Variants in MEIKIN observed in about 807,000 individuals in gnomAD.
MEIKIN encodes meiotic kinetochore factor, also known as meiosis-specific kinetochore protein.
intron 11 of MEIKIN, among the ~76,000 whole-genome samples, chr5:131,822,591 T>C (rs1402173122): frequency 2.0e-5 from 3 of 152,336 alleles, no homozygotes; most frequent in Admixed American, 6.5e-5. Context: ...CTTTGTCCTC[T>C]TGCTTTTTAA....
At chr5:131,834,003 C>T (rs568219638) in intron 11 of MEIKIN, among the ~76,000 whole-genome samples, 8 of 152,112 alleles carry the variant, frequency 5.3e-5, no homozygotes, top group Non-Finnish European at 1.2e-4. Context: ...ACTCTACCTA[C>T]CTAAGAAATA....
chr5:131,890,082 A>G (rs1276844857), intron 8 of MEIKIN, among the ~76,000 whole-genome samples: 1 of 152,134 alleles, frequency 6.6e-6, no homozygotes, highest in African/African-American at 2.4e-5. Flanking sequence ...ATGGTGGATA[A>G]GCTTTTTGAT....
intron 8 of MEIKIN, among the ~76,000 whole-genome samples, chr5:131,885,185 C>G (rs762011879): frequency 5.3e-5 from 8 of 152,060 alleles, no homozygotes; most frequent in Non-Finnish European, 1.0e-4. Flanking sequence ...TGAGAAAACA[C>G]AGGCAATAGC....
intron 11 of MEIKIN, among the ~76,000 whole-genome samples, chr5:131,835,224 G>A (rs1561726841): frequency 6.6e-6 from 1 of 150,864 alleles, no homozygotes; most frequent in African/African-American, 2.4e-5. Flanking sequence ...ATATATATGT[G>A]TATATATATG....
chr5:131,815,730 T>C (rs1773089889), intron 12 of MEIKIN, among the ~76,000 whole-genome samples: 1 of 152,206 alleles, frequency 6.6e-6, no homozygotes, highest in African/African-American at 2.4e-5. Context: ...TATCTGTTAA[T>C]TTTATCATAC....
At chr5:131,860,280 G>GTTTTTTTTTT (rs79369868) in intron 9 of MEIKIN, among the ~76,000 whole-genome samples, 2 of 100,662 alleles carry the variant, frequency 2.0e-5, no homozygotes, top group African/African-American at 3.6e-5. Context: ...TTTATGCCTA[G>GTTTTTTTTTT]TTTTTTTTTT....
intron 8 of MEIKIN, among the ~76,000 whole-genome samples, chr5:131,894,421 T>A (rs1317883467): frequency 6.6e-6 from 1 of 152,208 alleles, no homozygotes; most frequent in Admixed American, 6.5e-5. Flanking sequence ...AGTAGTTTTT[T>A]CCAATTCTGT....
Position 131,851,316 on chromosome 5 carries a change from T to A in MEIKIN, c.923A>T (p.Asn308Ile). 2.5e-6 allele frequency: 1 copy of A among 398,278 alleles called. No homozygotes were observed. Among genetic ancestry groups the A allele is most frequent in the Non-Finnish European group, 4.4e-6 (1 of 225,576 alleles). The allele number at this position is 398,278 out of a possible 1,614,324, so 24.7% of individuals were successfully genotyped here. A position where few individuals can be genotyped will look rare whatever the true frequency, so the allele number is the denominator to read the frequency against. The part of the protein sequence containing the change: ...ELFPNVSNYV[N>I]SNEIVPVSSL... ...TGACACAGGAACAATTTCATTTGAATTAACATAATTGCTGACATTTGGAAA... is the reference window on the plus strand; with the variant it reads ...TGACACAGGAACAATTTCATTTGAAATAACATAATTGCTGACATTTGGAAA... The change falls in exon 11 of 13, where the codon AAT (asparagine) becomes ATT (isoleucine). Residue 308 changes from asparagine to isoleucine, a missense_variant. Transcript: ENST00000442687.
chr5:131,810,724 C>A (rs1275591026), intron 12 of MEIKIN, among the ~76,000 whole-genome samples: 1 of 152,198 alleles, frequency 6.6e-6, no homozygotes, highest in Non-Finnish European at 1.5e-5. Flanking sequence ...CTACAGCCTC[C>A]TTTATCTGGC....
intron 6 of MEIKIN, among the ~76,000 whole-genome samples, chr5:131,921,371 G>A (rs963466920): frequency 6.7e-6 from 1 of 150,350 alleles, no homozygotes; most frequent in Non-Finnish European, 1.5e-5. Flanking sequence ...AAATTAGCTT[G>A]ATGTGCCTGG....
At chr5:131,858,481 T>C (rs1281997175) in intron 9 of MEIKIN, among the ~76,000 whole-genome samples, 1 of 152,110 alleles carries the variant, frequency 6.6e-6, no homozygotes, top group African/African-American at 2.4e-5. Context: ...ATAAAAACTC[T>C]AGGAGAAAAC....
intron 8 of MEIKIN, among the ~76,000 whole-genome samples, chr5:131,911,573 G>A (rs150759376): frequency 1.2e-3 from 180 of 151,724 alleles, no homozygotes; most frequent in Middle Eastern, 3.4e-3. Flanking sequence ...CTAGTATGGA[G>A]TTCATATTCA....
intron 9 of MEIKIN, among the ~76,000 whole-genome samples, chr5:131,874,197 G>A (rs2149626352): frequency 6.6e-6 from 1 of 152,254 alleles, no homozygotes; most frequent in East Asian, 1.9e-4. Context: ...AAAAATTAAT[G>A]AATCCAGGAG....
At chr5:131,832,987 T>C (rs1749740780) in intron 11 of MEIKIN, among the ~76,000 whole-genome samples, 1 of 152,226 alleles carries the variant, frequency 6.6e-6, no homozygotes, top group South Asian at 2.1e-4. Context: ...ATTTTCCCCA[T>C]TGTCTTGGGG....
chr5:131,820,128 G>A lies in MEIKIN; in HGVS notation c.976-1265C>T, dbSNP rs116490547. On this transcript the variant is annotated intron_variant, in intron 11 of 12. Coordinates refer to ENST00000442687, the MANE Select transcript of MEIKIN (RefSeq NM_001303622.2). ...ACTCTGTTGCCCAGGCTGGAGTACA[G>A]TCGTGTGTTCTCAGCTCACTGCAAC... 5.3e-3 allele frequency among the ~76,000 whole-genome samples: 737 copies of A among 138,396 alleles called. 4 individuals carry two copies. Among genetic ancestry groups the A allele is most frequent in the African/African-American group, 0.019 (676 of 36,480 alleles). The allele number at this position is 138,396 out of a possible 152,430, so 90.8% of individuals were successfully genotyped here.
At chr5:131,923,029 T>C (rs1032645517) in intron 5 of MEIKIN, among the ~76,000 whole-genome samples, 1 of 152,142 alleles carries the variant, frequency 6.6e-6, no homozygotes, top group Non-Finnish European at 1.5e-5. Context: ...GTAGCTGGGA[T>C]TACAGGCATC....
chr5:131,871,356 C>T lies in MEIKIN; in HGVS notation c.774+7622G>A, dbSNP rs183074858. ...AACGGCACACCAGGAGATTATATCC[C>T]GCACATGGCTCAGAGGGTCCTACGC... is the stretch of plus-strand genomic sequence containing the variant. On this transcript the variant is annotated intron_variant, in intron 9 of 12. Coordinates refer to ENST00000442687, the MANE Select transcript of MEIKIN (RefSeq NM_001303622.2). Among the ~76,000 whole-genome samples the T allele has an allele frequency of 2.5e-4, 38 of 152,368 alleles. No homozygotes were observed. The East Asian group carries it at 6.4e-3, about 26-fold the overall frequency.
intron 12 of MEIKIN, among the ~76,000 whole-genome samples, chr5:131,810,169 T>C (rs1311323308): frequency 6.6e-6 from 1 of 152,226 alleles, no homozygotes; most frequent in Non-Finnish European, 1.5e-5. Context: ...TTGTCATATA[T>C]CTGTGTGATA....
intron 8 of MEIKIN, among the ~76,000 whole-genome samples, chr5:131,885,481 C>T (rs962314824): frequency 6.8e-6 from 1 of 147,282 alleles, no homozygotes; most frequent in Non-Finnish European, 1.5e-5. Flanking sequence ...AGAGTCTCTG[C>T]CTGGTAATCC....
Sources: gnomAD v4.1 joint callset for allele counts (sites outside exome capture counted in the v4.1 genomes callset) on GRCh38, gnomAD v4.1.1 for gene constraint, MANE v1.5 for transcripts, NCBI Gene and HGNC (gene_info 2026-07-23, HGNC 2026-07-21) for gene names.